Variants in CDH12 observed in about 807,000 individuals in gnomAD.
CDH12 encodes the protein cadherin 12.
In CDH12, 41 loss-of-function variants were observed where a neutral mutation model predicts 74.1. That is an observed-to-expected ratio of 0.55 (90% CI 0.43 to 0.72). CDH12 has a LOEUF of 0.72. Ranked by LOEUF, CDH12 falls within the 30% of genes least tolerant of loss-of-function variation. CDH12 has a pLI of 0.00. For synonymous variants in CDH12, 399 were observed against 355.0 expected (o/e 1.12, Z -1.39); for missense variants, 945 against 977.2 (o/e 0.97, Z 0.44).
At chr5:22,619,952 C>A (rs1015803910) in intron 1 of CDH12, among the ~76,000 whole-genome samples, 1 of 151,858 alleles carries the variant, frequency 6.6e-6, no homozygotes, top group African/African-American at 2.4e-5. Flanking sequence ...GAAAAAAATC[C>A]TTTTCATGTG....
chr5:22,588,267 C>A (rs1419794451), intron 1 of CDH12, among the ~76,000 whole-genome samples: 1 of 151,950 alleles, frequency 6.6e-6, no homozygotes. Flanking sequence ...ATCTAAATCA[C>A]ATACTAAATA....
At chr5:22,472,342 C>T (rs766945410) in intron 2 of CDH12, among the ~76,000 whole-genome samples, 1 of 152,004 alleles carries the variant, frequency 6.6e-6, no homozygotes, top group Non-Finnish European at 1.5e-5. Context: ...TTTTAGAATG[C>T]CCTAAGGATG....
chr5:22,215,264 G>T (rs1751759763), intron 3 of CDH12, among the ~76,000 whole-genome samples: 1 of 152,004 alleles, frequency 6.6e-6, no homozygotes, highest in Non-Finnish European at 1.5e-5. Flanking sequence ...GCAAATATTT[G>T]GAAATTCCCA....
chr5:22,385,612 C>G (rs1375441833), intron 3 of CDH12, among the ~76,000 whole-genome samples: 1 of 152,168 alleles, frequency 6.6e-6, no homozygotes, highest in Non-Finnish European at 1.5e-5. Flanking sequence ...CTTTCTGCCT[C>G]TATAAGACAG....
At chr5:22,178,485 T>C (rs1408642988) in intron 4 of CDH12, among the ~76,000 whole-genome samples, 19 of 151,118 alleles carry the variant, frequency 1.3e-4, no homozygotes, top group Admixed American at 1.1e-3. Flanking sequence ...TGAACATCTC[T>C]TTATGCAACA....
At chr5:22,835,591 G>A (rs1025130283) in intron 1 of CDH12, among the ~76,000 whole-genome samples, 2 of 152,214 alleles carry the variant, frequency 1.3e-5, no homozygotes, top group South Asian at 2.1e-4. Context: ...TTATCTCTCC[G>A]TGAATCTTAG....
At chr5:21,871,339 T>C (rs1378402452) in intron 6 of CDH12, among the ~76,000 whole-genome samples, 2 of 152,154 alleles carry the variant, frequency 1.3e-5, no homozygotes, top group Admixed American at 1.3e-4. Flanking sequence ...TGAAAAAACA[T>C]AGCATCAATT....
intron 1 of CDH12, among the ~76,000 whole-genome samples, chr5:22,805,604 C>A (rs539941672): frequency 3.3e-5 from 5 of 152,076 alleles, no homozygotes; most frequent in East Asian, 3.9e-4. Flanking sequence ...TAATATATTT[C>A]ATAATAGTAA....
At chr5:22,402,053 A>G (rs537663093) in intron 3 of CDH12, among the ~76,000 whole-genome samples, 12 of 152,308 alleles carry the variant, frequency 7.9e-5, no homozygotes, top group African/African-American at 2.4e-4. Context: ...GTTGTTTTAA[A>G]TCACCCAATG....
In CDH12 at chr5:22,760,404, G is replaced by C. The variant is rs113335724; in HGVS notation, c.-523+92654C>G. Among the ~76,000 whole-genome samples the C allele has an allele frequency of 6.2e-3, 943 of 152,226 alleles. 7 individuals are homozygous for C. Among genetic ancestry groups the C allele is most frequent in the Middle Eastern group, 0.027 (8 of 294 alleles). ...ATTTGAAAAAAGCGTAAATGGGCCG[G>C]GCGCGGTGGCTCCCGCCTGTAATCC... On this transcript the variant is annotated intron_variant, in intron 1 of 14. Transcript: ENST00000382254.
chr5:22,475,822 C>T (rs1020647093), intron 2 of CDH12, among the ~76,000 whole-genome samples: 2 of 151,984 alleles, frequency 1.3e-5, no homozygotes, highest in African/African-American at 2.4e-5. Flanking sequence ...TTTTGAATTA[C>T]TTTTAAATAC....
At chr5:22,603,068 A>ATTCTGTCTG (rs1736925264) in intron 1 of CDH12, among the ~76,000 whole-genome samples, 1 of 152,162 alleles carries the variant, frequency 6.6e-6, no homozygotes, top group Admixed American at 6.6e-5. Context: ...CTAGATGAAT[A>ATTCTGTCTG]TTCTGTCTGC....
chr5:22,027,319 C>T (rs541851609), intron 5 of CDH12, among the ~76,000 whole-genome samples: 3 of 152,164 alleles, frequency 2.0e-5, no homozygotes, highest in Non-Finnish European at 4.4e-5. Context: ...TAGGATGATG[C>T]TGACCTCATA....
At chr5:21,755,318 A>C (rs1744321030) in intron 14 of CDH12, among the ~76,000 whole-genome samples, 1 of 152,172 alleles carries the variant, frequency 6.6e-6, no homozygotes, top group Non-Finnish European at 1.5e-5. Flanking sequence ...TATTACTAGA[A>C]AATCTCTTAG....
At chr5:22,582,785 A>G (rs886651100) in intron 1 of CDH12, among the ~76,000 whole-genome samples, 8 of 152,166 alleles carry the variant, frequency 5.3e-5, no homozygotes, top group African/African-American at 1.9e-4. Flanking sequence ...CTGCAATTGT[A>G]TCATGTTTTC....
intron 4 of CDH12, among the ~76,000 whole-genome samples, chr5:22,160,266 C>A (rs1748265941): frequency 6.6e-6 from 1 of 152,220 alleles, no homozygotes; most frequent in African/African-American, 2.4e-5. Context: ...TAAAGCAAAA[C>A]AAAATAAATT....
chr5:22,329,791 G>A (rs1445372912), intron 3 of CDH12, among the ~76,000 whole-genome samples: 1 of 152,190 alleles, frequency 6.6e-6, no homozygotes, highest in Middle Eastern at 3.2e-3. Flanking sequence ...CACACATGGA[G>A]GGAGCATTTT....
At chr5:22,601,457 G>T (rs1352318847) in intron 1 of CDH12, among the ~76,000 whole-genome samples, 1 of 152,000 alleles carries the variant, frequency 6.6e-6, no homozygotes, top group African/African-American at 2.4e-5. Flanking sequence ...AGAAAATTAA[G>T]AAGTGACACT....
intron 1 of CDH12, among the ~76,000 whole-genome samples, chr5:22,764,707 C>T (rs1417873391): frequency 6.6e-6 from 1 of 151,980 alleles, no homozygotes; most frequent in East Asian, 1.9e-4. Flanking sequence ...AGATATGATG[C>T]CTCAAAAGGA....
Sources: gnomAD v4.1 joint callset for allele counts (sites outside exome capture counted in the v4.1 genomes callset) on GRCh38, gnomAD v4.1.1 for gene constraint, MANE v1.5 for transcripts, NCBI Gene and HGNC (gene_info 2026-07-23, HGNC 2026-07-21) for gene names.